Variants in SLC30A2 observed in about 807,000 individuals in gnomAD.
The protein encoded by SLC30A2 is proton-coupled zinc antiporter SLC30A2.
SLC30A2 carries 19 observed loss-of-function variants against 39.6 expected under a neutral mutation model. The observed-to-expected ratio is 0.48, with a 90% CI of 0.34 to 0.70. The LOEUF (loss-of-function observed/expected upper bound fraction) is 0.70. Among genes scored for constraint, SLC30A2 ranks in the 30% least tolerant of loss-of-function variants. SLC30A2 has a pLI of 0.01. For synonymous variants in SLC30A2, 195 were observed against 194.8 expected, an observed-to-expected ratio of 1.00 and a Z score of -0.01; for missense variants, 387 against 479.4, an observed-to-expected ratio of 0.81 and a Z score of 1.80.
chr1:26,042,821 C>G, intron 4 of SLC30A2, 113 bp from the exon 5 acceptor site: 1 of 973,968 alleles, frequency 1.0e-6, no homozygotes, highest in Non-Finnish European at 1.5e-6. Context: ...CTTGTGATCT[C>G]TTTGGCCATG....
rs1374591589 is a variant in SLC30A2, at chr1:26,039,776, C to T, written c.973+1G>A. 2 of 1,613,752 alleles carry T rather than the reference C, an allele frequency of 1.2e-6. No homozygotes were observed. Among genetic ancestry groups the T allele is most frequent in the Non-Finnish European group, 1.7e-6 (2 of 1,179,936 alleles). ...CCACCCTGAGTGTCCCAAGCACTCA[C>T]CAATGGCGATGTGGACAGACAGAAC... On this transcript the variant is annotated splice_donor_variant, in intron 7 of 7. Coordinates refer to ENST00000374276, the MANE Select transcript of SLC30A2 (RefSeq NM_001004434.3). LOFTEE classifies it high-confidence loss of function. This position sits in a 1 kb window ranked among gnomAD's most constrained non-coding sequence, Gnocchi z 4.3.
rs770977015 is a variant in SLC30A2, at chr1:26,045,148, C to A, written c.120G>T (p.Leu40Phe). 7 of 1,613,686 alleles carry A rather than the reference C, an allele frequency of 4.3e-6. No homozygotes were observed. The Admixed American group carries it at 6.7e-5, about 15-fold the overall frequency. ...TCTGGGCAGCCAGCTCAATGGCCTG[C>A]AAGTCCAGGCCAGGTCGGGGCAGAG... ...WIPLPRPGLD[L>F]QAIELAAQSN... is the part of the protein sequence containing the mutation. Residue 40 changes from leucine to phenylalanine, a missense_variant, in exon 2 of 8, where the codon TTG (leucine) becomes TTT (phenylalanine). Coordinates refer to ENST00000374276, the MANE Select transcript of SLC30A2 (RefSeq NM_001004434.3).
chr1:26,043,565 C>T lies in SLC30A2; in HGVS notation c.419-14G>A, dbSNP rs1415604405. The T allele has an allele frequency of 6.2e-7, 1 of 1,611,382 alleles. No homozygotes were observed. Among genetic ancestry groups the T allele is most frequent in the Non-Finnish European group, 8.5e-7 (1 of 1,178,406 alleles). On this transcript the variant is annotated splice_polypyrimidine_tract_variant and intron_variant, in intron 3 of 7. Transcript: ENST00000374276. ...CTCCCAAGATCTCTGAGGAAGAACC[C>T]AACCCCAACACCCACCTTGGCATGG...
intron 1 of SLC30A2, chr1:26,045,426 G>C (rs985580369): frequency 8.2e-6 from 5 of 609,092 alleles, no homozygotes; most frequent in East Asian, 2.7e-5. Context: ...TCAGAGGCCA[G>C]AGGAGGTGAA....
At position 26,038,151 on chromosome 1, in the gene SLC30A2, G is replaced by A. The variant is rs145431016; in HGVS notation, c.*1009C>T. On this transcript the variant is annotated 3_prime_UTR_variant, in exon 8 of 8. Coordinates refer to ENST00000374276, the MANE Select transcript of SLC30A2 (RefSeq NM_001004434.3). The stretch of plus-strand genomic sequence containing the variant: ...GCTTACAATGGCAGAGACAGACCTT[G>A]TGACACAGGACTCCCTGATAACTGG... 2.0e-5 allele frequency: 3 copies of A among 152,356 alleles called. No homozygotes were observed. The highest frequency in any genetic ancestry group is 7.2e-5 in the African/African-American group (3 of 41,578). The allele number at this position is 152,356 out of a possible 1,614,324, so 9.4% of individuals were successfully genotyped here.
intron 2 of SLC30A2, among the ~76,000 whole-genome samples, 163 bp downstream of exon 2, chr1:26,044,834 C>A (rs558684427): frequency 6.6e-4 from 100 of 152,292 alleles, no homozygotes; most frequent in Admixed American, 4.1e-3. Flanking sequence ...ATAACGTCAC[C>A]CATGTGAGAA....
chr1:26,039,091 G>A lies in SLC30A2; in HGVS notation c.*69C>T. 6.3e-7 allele frequency: 1 copy of A among 1,578,352 alleles called. No homozygotes were observed. Among genetic ancestry groups the A allele is most frequent in the South Asian group, 1.1e-5 (1 of 87,666 alleles). On this transcript the variant is annotated 3_prime_UTR_variant, in exon 8 of 8. Transcript: ENST00000374276. This position sits in a 1 kb window ranked among gnomAD's most constrained non-coding sequence, Gnocchi z 4.3. ...CTGGGGTAGGCAAAGTCCTGGCTGG[G>A]CCTGGGGGACACTCAGTCCAGCCAC...
rs1285489433 is a variant in SLC30A2, at chr1:26,038,431, T to C, written c.*729A>G. On this transcript the variant is annotated 3_prime_UTR_variant, in exon 8 of 8. Coordinates refer to ENST00000374276, the MANE Select transcript of SLC30A2 (RefSeq NM_001004434.3). ...GGAGACTCTGAATCCCCTGGGACAC[T>C]CTCAGGGCAACAGAAGTGCCAGGGG... 1 of 150,962 alleles carries C rather than the reference T, an allele frequency of 6.6e-6. No individual in the cohort carries two copies. The highest frequency in any genetic ancestry group is 1.5e-5 in the Non-Finnish European group (1 of 67,998). The allele number at this position is 150,962 out of a possible 1,614,324, so 9.4% of individuals were successfully genotyped here.
chr1:26,039,629 T>G lies in SLC30A2; in HGVS notation c.973+148A>C. ...GATAAATGAGATTGTGCTGATCAGA[T>G]GGAATAATGCGTATCAAGTACTCAG... is the stretch of plus-strand genomic sequence containing the variant. On this transcript the variant is annotated intron_variant, in intron 7 of 7. Coordinates refer to ENST00000374276, the MANE Select transcript of SLC30A2 (RefSeq NM_001004434.3). This position sits in a 1 kb window ranked among gnomAD's most constrained non-coding sequence, Gnocchi z 4.3. 1.3e-6 allele frequency: 1 copy of G among 795,318 alleles called. No homozygotes were observed. The highest frequency in any genetic ancestry group is 2.0e-6 in the Non-Finnish European group (1 of 501,490). The allele number at this position is 795,318 out of a possible 1,614,324, so 49.3% of individuals were successfully genotyped here. A position where few individuals can be genotyped will look rare whatever the true frequency, so the allele number is the denominator to read the frequency against.
In SLC30A2 at chr1:26,041,655, G is replaced by A. The variant is rs770326347; in HGVS notation, c.838+45C>T. 1.1e-5 allele frequency: 12 copies of A among 1,134,192 alleles called. No individual in the cohort carries two copies. In the East Asian group the frequency reaches 1.2e-4, roughly 11 times the overall value. 70.3% of individuals were successfully genotyped at this position (1,134,192 alleles called of 1,614,324 possible). ...ACATACCCTATTTGAGCTGATTAGC[G>A]CTTGAGAGCCAAGAGCAAAAAGGGA... is the stretch of plus-strand genomic sequence containing the variant. On this transcript the variant is annotated intron_variant, in intron 6 of 7. Transcript: ENST00000374276.
In SLC30A2 at chr1:26,039,668, T is replaced by G; in HGVS notation, c.973+109A>C. ...TCAAGTACTCAGCATGAGGCTGGGC[T>G]TGATGCATGGGCACTGTGAGCATCT... On this transcript the variant is annotated intron_variant, in intron 7 of 7. Coordinates refer to ENST00000374276, the MANE Select transcript of SLC30A2 (RefSeq NM_001004434.3). This position sits in a 1 kb window ranked among gnomAD's most constrained non-coding sequence, Gnocchi z 4.3. The G allele has an allele frequency of 9.1e-7, 1 of 1,099,852 alleles. No individual in the cohort carries two copies. The highest frequency in any genetic ancestry group is 1.5e-5 in the South Asian group (1 of 66,902). The allele number at this position is 1,099,852 out of a possible 1,614,324, so 68.1% of individuals were successfully genotyped here. A position where few individuals can be genotyped will look rare whatever the true frequency, so the allele number is the denominator to read the frequency against.
At chr1:26,045,756 G>T (rs2050456161) in intron 1 of SLC30A2, 91 bp downstream of exon 1, 9 of 1,599,872 alleles carry the variant, frequency 5.6e-6, no homozygotes, top group Non-Finnish European at 7.7e-6. Context: ...AGCTCAAGCC[G>T]CAGCCAAAAC....
At chr1:26,045,477 C>G in intron 1 of SLC30A2, 1 of 591,528 alleles carries the variant, frequency 1.7e-6, no homozygotes, top group Non-Finnish European at 3.0e-6. Flanking sequence ...TCCAGTGGAG[C>G]GCGGGGAAGG....
rs1464363490 is a variant in SLC30A2 at position 26,045,623 on chromosome 1, G to A, written c.50+224C>T. On this transcript the variant is annotated intron_variant, in intron 1 of 7. Transcript: ENST00000374276. Reference sequence around the variant, plus strand: ...CAGGCATGGGAACCGCCAATCCCCCGGCCCCAGGCCCCCCGCGGGCAGGGG... The same window carrying A: ...CAGGCATGGGAACCGCCAATCCCCCAGCCCCAGGCCCCCCGCGGGCAGGGG... Among the ~76,000 whole-genome samples, 6 of 152,206 alleles carry A rather than the reference G, an allele frequency of 3.9e-5. No individual in the cohort carries two copies. The East Asian group carries it at 1.2e-3, about 29-fold the overall frequency.
Position 26,039,969 on chromosome 1 carries a change from T to A in SLC30A2, c.839-58A>T. 1 of 1,596,290 alleles carries A rather than the reference T, an allele frequency of 6.3e-7. No homozygotes were observed. Among genetic ancestry groups the A allele is most frequent in the East Asian group, 2.2e-5 (1 of 44,710 alleles). The stretch of plus-strand genomic sequence containing the variant: ...AAACTACCCCTCCCACGCCTGCCCA[T>A]TGGTGCAGGGCTGGCTCCTGATCCT... On this transcript the variant is annotated intron_variant, in intron 6 of 7. Transcript: ENST00000374276. The surrounding 1 kb of genome is among the most constrained non-coding windows in gnomAD (Gnocchi z 4.3).
chr1:26,045,128 G>A lies in SLC30A2; in HGVS notation c.140C>T (p.Ala47Val). Reference protein sequence around the residue: ...GLDLQAIELAAQSNHHCHAQK... With the variant: ...GLDLQAIELAVQSNHHCHAQK... ...AGCATGGCAGTGATGGTTGCTCTGG[G>A]CAGCCAGCTCAATGGCCTGCAAGTC... is the stretch of plus-strand genomic sequence containing the variant. Residue 47 changes from alanine to valine, a missense_variant, in exon 2 of 8, where the codon GCC becomes GTC. Coordinates refer to ENST00000374276, the MANE Select transcript of SLC30A2 (RefSeq NM_001004434.3). 1 of 1,614,074 alleles carries A rather than the reference G, an allele frequency of 6.2e-7. No homozygotes were observed.
Position 26,044,332 on chromosome 1 carries a change from G to A in SLC30A2, c.384C>T (p.Ala128=), listed in dbSNP as rs1331510647. The A allele has an allele frequency of 8.1e-6, 13 of 1,614,114 alleles. No homozygotes were observed. The highest frequency in any genetic ancestry group is 1.0e-5 in the Non-Finnish European group (12 of 1,180,028). The change falls in exon 3 of 8, where the codon GCC becomes GCT. Residue 128 remains alanine (A), a synonymous_variant. Coordinates refer to ENST00000374276, the MANE Select transcript of SLC30A2 (RefSeq NM_001004434.3). ...GCCAGCCAAAGTTCATGGTCTTGGT[G>A]GCTGGCCGGGAGGACATCCAGAGGG... ...LFSLWMSSRP[A]TKTMNFGWQR...
rs375365424 is a variant in SLC30A2 at position 26,044,287 on chromosome 1, G to A, written c.418+11C>T. 40 of 1,613,300 alleles carry A rather than the reference G, an allele frequency of 2.5e-5. No homozygotes were observed. The South Asian group carries it at 2.9e-4, about 12-fold the overall frequency. ...TCTCAACCCCATCTCCAGCCAAACC[G>A]CGATCCTCACCAGCTCTCTGCCAGC... On this transcript the variant is annotated intron_variant, in intron 3 of 7. Coordinates refer to ENST00000374276, the MANE Select transcript of SLC30A2 (RefSeq NM_001004434.3).
At chr1:26,040,919 C>CA (rs1491278393) in intron 6 of SLC30A2, among the ~76,000 whole-genome samples, 3 of 149,664 alleles carry the variant, frequency 2.0e-5, no homozygotes, top group African/African-American at 4.9e-5. Context: ...TAGTGAGACC[C>CA]CCCCCCCATC....
Sources: gnomAD v4.1 joint callset for allele counts (sites outside exome capture counted in the v4.1 genomes callset) on GRCh38, gnomAD v4.1.1 for gene constraint, Gnocchi (gnomAD v3.1) non-coding constraint, MANE v1.5 for transcripts, NCBI Gene and HGNC (gene_info 2026-07-23, HGNC 2026-07-21) for gene names.